SOX5: variants seen among roughly 807,000 people sequenced by gnomAD.
The protein encoded by SOX5 is SRY-box transcription factor 5.
SOX5 carries 9 observed loss-of-function variants against 92.0 expected under a neutral mutation model. That is an observed-to-expected ratio of 0.10 (90% CI 0.06 to 0.17). The LOEUF (loss-of-function observed/expected upper bound fraction) is 0.17, where lower values mean the gene tolerates loss of function less well. Among genes scored for constraint, SOX5 ranks in the 10% least tolerant of loss-of-function variants. The pLI is 1.00. For synonymous variants in SOX5, 344 were observed against 336.3 expected (o/e 1.02, Z -0.25); for missense variants, 642 against 944.5 (o/e 0.68, Z 4.20).
intron 1 of SOX5, among the ~76,000 whole-genome samples, chr12:24,494,704 A>G (rs10842360): frequency 0.31 from 46,606 of 151,994 alleles, 8,421 homozygotes; most frequent in East Asian, 0.72. Context: ...AAGTCTATGT[A>G]AGGCAGTTCC....
At chr12:23,540,532 G>GCAATA (rs972139992) in intron 13 of SOX5, among the ~76,000 whole-genome samples, 13 of 152,048 alleles carry the variant, frequency 8.5e-5, no homozygotes, top group Admixed American at 5.2e-4. Flanking sequence ...TCTAAATCTG[G>GCAATA]CAATACACTG....
chr12:23,653,585 A>T (rs1468734341), intron 7 of SOX5, among the ~76,000 whole-genome samples: 1 of 152,226 alleles, frequency 6.6e-6, no homozygotes, highest in Non-Finnish European at 1.5e-5. Context: ...TGTTTCTCAC[A>T]GTTCTGGAGG....
intron 2 of SOX5, among the ~76,000 whole-genome samples, chr12:24,320,684 T>C (rs1366262948): frequency 2.6e-5 from 4 of 151,794 alleles, no homozygotes; most frequent in African/African-American, 9.7e-5. Flanking sequence ...GCTAACACAG[T>C]GAAACCTCGT....
intron 3 of SOX5, among the ~76,000 whole-genome samples, chr12:23,819,927 A>G (rs1209381324): frequency 6.6e-6 from 1 of 152,124 alleles, no homozygotes; most frequent in Non-Finnish European, 1.5e-5. Flanking sequence ...ATAATTTATA[A>G]TCCTTTGGGT....
chr12:24,202,433 A>G (rs1004419195), intron 4 of SOX5, among the ~76,000 whole-genome samples: 7 of 152,350 alleles, frequency 4.6e-5, no homozygotes, highest in African/African-American at 1.4e-4. Context: ...CCCACAAATT[A>G]ACATATTATA....
intron 1 of SOX5, among the ~76,000 whole-genome samples, chr12:24,450,824 T>C (rs1942185930): frequency 6.6e-6 from 1 of 152,192 alleles, no homozygotes; most frequent in South Asian, 2.1e-4. Context: ...AATCCAATTA[T>C]ACTCTTTTAG....
intron 4 of SOX5, among the ~76,000 whole-genome samples, chr12:23,957,506 G>A (rs1192467718): frequency 1.3e-5 from 2 of 152,124 alleles, no homozygotes; most frequent in African/African-American, 4.8e-5. Context: ...TAAATACAAG[G>A]GTTGTTGTCT....
intron 6 of SOX5, among the ~76,000 whole-genome samples, chr12:23,694,645 A>G (rs2089490870): frequency 6.6e-6 from 1 of 152,230 alleles, no homozygotes; most frequent in Non-Finnish European, 1.5e-5. Flanking sequence ...ATCACAACAT[A>G]GAATAATTCT....
chr12:24,009,253 A>C (rs1222146109), intron 4 of SOX5, among the ~76,000 whole-genome samples: 3 of 152,196 alleles, frequency 2.0e-5, no homozygotes, highest in Non-Finnish European at 4.4e-5. Flanking sequence ...AGAAAAGAAT[A>C]ATAAATTGTT....
intron 1 of SOX5, among the ~76,000 whole-genome samples, chr12:23,921,265 G>A (rs753373910): frequency 4.6e-5 from 7 of 151,786 alleles, no homozygotes; most frequent in Non-Finnish European, 7.4e-5. Context: ...TCAAATTTCC[G>A]TTCATAAGTA....
chr12:23,874,789 T>C (rs1192400299), intron 2 of SOX5, among the ~76,000 whole-genome samples: 1 of 152,124 alleles, frequency 6.6e-6, no homozygotes, highest in African/African-American at 2.4e-5. Flanking sequence ...GAGAAAGGAT[T>C]AGTCTCATAA....
intron 1 of SOX5, among the ~76,000 whole-genome samples, chr12:24,387,783 T>C (rs1958580811): frequency 6.6e-6 from 1 of 152,232 alleles, no homozygotes; most frequent in East Asian, 1.9e-4. Context: ...ACATCTTCTT[T>C]GATGACAAGC....
chr12:24,540,931 TAAGTTGCATTGCAA>T (rs1484833917), intron 1 of SOX5, among the ~76,000 whole-genome samples: 1 of 152,196 alleles, frequency 6.6e-6, no homozygotes, highest in Non-Finnish European at 1.5e-5. Context: ...AAACTAACCA[TAAGTTGCATTGCAA>T]AATATCATAT....
chr12:23,989,887 A>G (rs1013960050), intron 4 of SOX5, among the ~76,000 whole-genome samples: 2 of 152,136 alleles, frequency 1.3e-5, no homozygotes, highest in African/African-American at 4.8e-5. Context: ...TGAACAGACT[A>G]AGACAGCATA....
At chr12:24,195,592 T>G (rs750245875) in intron 4 of SOX5, among the ~76,000 whole-genome samples, 1 of 152,182 alleles carries the variant, frequency 6.6e-6, no homozygotes, top group Non-Finnish European at 1.5e-5. Flanking sequence ...AACTAGAATT[T>G]TATAAGTTAT....
intron 1 of SOX5, among the ~76,000 whole-genome samples, chr12:24,481,725 G>A (rs1946019517): frequency 6.6e-6 from 1 of 152,158 alleles, no homozygotes. Context: ...ACAGCTAGCA[G>A]AGATCCAGGG....
chr12:24,231,389 T>C (rs914293893), intron 3 of SOX5, among the ~76,000 whole-genome samples: 1 of 152,182 alleles, frequency 6.6e-6, no homozygotes, highest in Admixed American at 6.5e-5. Flanking sequence ...TATGAACGGT[T>C]TAGATTTTGC....
At chr12:24,405,778 C>T (rs1459468153) in intron 1 of SOX5, among the ~76,000 whole-genome samples, 1 of 152,018 alleles carries the variant, frequency 6.6e-6, no homozygotes, top group African/African-American at 2.4e-5. Flanking sequence ...ATGACCAGGT[C>T]AAAATGCAGA....
chr12:24,082,421 A>G (rs1489088382), intron 4 of SOX5, among the ~76,000 whole-genome samples: 1 of 149,410 alleles, frequency 6.7e-6, no homozygotes, highest in African/African-American at 2.4e-5. Flanking sequence ...AAAAAAAAAA[A>G]AAAAAAAAAA....
Sources: gnomAD v4.1 joint callset for allele counts (sites outside exome capture counted in the v4.1 genomes callset) on GRCh38, gnomAD v4.1.1 for gene constraint, MANE v1.5 for transcripts, NCBI Gene and HGNC (gene_info 2026-07-23, HGNC 2026-07-21) for gene names.